Variants in RAB11FIP4 observed in about 807,000 individuals in gnomAD.
RAB11FIP4 encodes RAB11 family interacting protein 4.
In RAB11FIP4, 23 loss-of-function variants were observed where a neutral mutation model predicts 74.3. The ratio of observed to expected loss-of-function variants is 0.31; its 90% confidence interval spans 0.22 to 0.44. The LOEUF is 0.44. Ranked by LOEUF, RAB11FIP4 falls within the 20% of genes least tolerant of loss-of-function variation. RAB11FIP4 has a pLI of 1.00. For synonymous variants in RAB11FIP4, 360 were observed against 359.9 expected, an observed-to-expected ratio of 1.00 and a Z score of 0.00; for missense variants, 630 against 863.9, an observed-to-expected ratio of 0.73 and a Z score of 3.39.
At chr17:31,501,021 C>CAA (rs79846096) in intron 3 of RAB11FIP4, among the ~76,000 whole-genome samples, 1 of 130,684 alleles carries the variant, frequency 7.7e-6, no homozygotes, top group African/African-American at 2.7e-5. Flanking sequence ...GACTCCATCT[C>CAA]AAAAAAAAAA....
chr17:31,397,215 G>A (rs2070939589), intron 1 of RAB11FIP4, among the ~76,000 whole-genome samples: 1 of 152,170 alleles, frequency 6.6e-6, no homozygotes, highest in Non-Finnish European at 1.5e-5. Context: ...GGGAAGGTAG[G>A]GCCAGATCAG....
chr17:31,530,475 C>T lies in RAB11FIP4; in HGVS notation c.1797+6C>T. On this transcript the variant is annotated splice_donor_region_variant and intron_variant, in intron 14 of 14. Transcript: ENST00000621161. Reference sequence around the variant, plus strand: ...ACACCGCCTCGCGCGATGAGGTAACCACACCACCGGCTCTTGCTTTGGGGC... The same window carrying T: ...ACACCGCCTCGCGCGATGAGGTAACTACACCACCGGCTCTTGCTTTGGGGC... The T allele has an allele frequency of 1.2e-6, 2 of 1,609,896 alleles. No homozygotes were observed. Among genetic ancestry groups the T allele is most frequent in the Non-Finnish European group, 1.7e-6 (2 of 1,176,816 alleles).
At chr17:31,488,092 C>T (rs2071932427) in intron 3 of RAB11FIP4, 25 of 1,015,514 alleles carry the variant, frequency 2.5e-5, no homozygotes, top group Non-Finnish European at 2.9e-5. Flanking sequence ...CGGGCGGGGG[C>T]GGGGCCGCGC....
Position 31,409,557 on chromosome 17 carries a change from G to A in RAB11FIP4, c.159+17546G>A, listed in dbSNP as rs116476914. Among the ~76,000 whole-genome samples the A allele has an allele frequency of 3.9e-3, 593 of 152,244 alleles. 5 individuals carry two copies. The highest frequency in any genetic ancestry group is 0.014 in the African/African-American group (562 of 41,536). On this transcript the variant is annotated intron_variant, in intron 1 of 14. Coordinates refer to ENST00000621161, the MANE Select transcript of RAB11FIP4 (RefSeq NM_032932.6). ...CTTACCAGGTGAGGGGCATTGCAAC[G>A]TTGGGTAGAAAGAAACTCCAGATGT...
intron 3 of RAB11FIP4, among the ~76,000 whole-genome samples, chr17:31,492,839 G>A (rs1474606633): frequency 7.0e-6 from 1 of 143,418 alleles, no homozygotes; most frequent in African/African-American, 2.7e-5. Context: ...TGCTTCAGGA[G>A]CTGAGCCCCC....
intron 1 of RAB11FIP4, among the ~76,000 whole-genome samples, chr17:31,416,036 G>C (rs1327232996): frequency 6.6e-6 from 1 of 152,242 alleles, no homozygotes; most frequent in Admixed American, 6.5e-5. Context: ...GCCCAGAGAG[G>C]CAACAGGGCT....
intron 3 of RAB11FIP4, among the ~76,000 whole-genome samples, chr17:31,480,253 G>A (rs1477778077): frequency 6.6e-6 from 1 of 152,140 alleles, no homozygotes; most frequent in African/African-American, 2.4e-5. Context: ...CCTGTCAGAT[G>A]TTACTGCTGA....
At chr17:31,449,189 G>A (rs1279029297) in intron 3 of RAB11FIP4, among the ~76,000 whole-genome samples, 1 of 152,022 alleles carries the variant, frequency 6.6e-6, no homozygotes, top group South Asian at 2.1e-4. Flanking sequence ...GCATGACCCT[G>A]CTCTGACACA....
chr17:31,502,223 CA>C (rs551229045), intron 3 of RAB11FIP4, among the ~76,000 whole-genome samples: 3,300 of 138,262 alleles, frequency 0.024, 123 homozygotes, highest in African/African-American at 0.08. Flanking sequence ...TACCTTGTCT[CA>C]AAAAAAAAAA....
chr17:31,419,543 T>C (rs910750873), intron 1 of RAB11FIP4, among the ~76,000 whole-genome samples: 1 of 150,822 alleles, frequency 6.6e-6, no homozygotes, highest in African/African-American at 2.4e-5. Flanking sequence ...GGTTTGTAGT[T>C]TTCTTTTTTC....
In RAB11FIP4 at chr17:31,467,064, A is replaced by T. The variant is rs370014650; in HGVS notation, c.336+32942A>T. On this transcript the variant is annotated intron_variant, in intron 3 of 14. Coordinates refer to ENST00000621161, the MANE Select transcript of RAB11FIP4 (RefSeq NM_032932.6). The stretch of plus-strand genomic sequence containing the variant: ...AATGGAGTTAAGGCCCAGTGTCCTT[A>T]AACCATACCTCCTGCATCTAGCTCC... 3.3e-5 allele frequency among the ~76,000 whole-genome samples: 5 copies of T among 152,120 alleles called. No individual in the cohort carries two copies. In the East Asian group the frequency reaches 7.7e-4, roughly 23 times the overall value.
chr17:31,395,502 C>T (rs1276030735), intron 1 of RAB11FIP4, among the ~76,000 whole-genome samples: 4 of 152,154 alleles, frequency 2.6e-5, no homozygotes, highest in African/African-American at 9.7e-5. Context: ...GGCATACACC[C>T]TTGGTGTGAT....
chr17:31,426,802 A>G (rs1327591443), intron 1 of RAB11FIP4, among the ~76,000 whole-genome samples: 1 of 151,910 alleles, frequency 6.6e-6, no homozygotes, highest in Non-Finnish European at 1.5e-5. Flanking sequence ...GGGTTTCACC[A>G]TGTTGGCCAG....
rs11451772 is a variant in RAB11FIP4 at position 31,475,799 on chromosome 17, G to GTTT, written c.336+41689_336+41691dup. Among the ~76,000 whole-genome samples the GTTT allele has an allele frequency of 1.9e-3, 270 of 142,100 alleles. 2 individuals are homozygous for GTTT. Among genetic ancestry groups the GTTT allele is most frequent in the African/African-American group, 6.2e-3 (236 of 38,364 alleles). The allele number at this position is 142,100 out of a possible 152,430, so 93.2% of individuals were successfully genotyped here. A position where few individuals can be genotyped will look rare whatever the true frequency, so the allele number is the denominator to read the frequency against. On this transcript the variant is annotated intron_variant, in intron 3 of 14. Coordinates refer to ENST00000621161, the MANE Select transcript of RAB11FIP4 (RefSeq NM_032932.6). ...GCCACGTTTTCTGCATTTTTGTGTG[G>GTTT]TTTTTTTTTTTTTTGGCGATTTTGC... is the stretch of plus-strand genomic sequence containing the variant.
chr17:31,525,239 C>T lies in RAB11FIP4; in HGVS notation c.1274+9C>T. The T allele has an allele frequency of 1.9e-6, 3 of 1,540,660 alleles. No homozygotes were observed. Among genetic ancestry groups the T allele is most frequent in the East Asian group, 2.4e-5 (1 of 40,870 alleles). On this transcript the variant is annotated intron_variant, in intron 10 of 14. Coordinates refer to ENST00000621161, the MANE Select transcript of RAB11FIP4 (RefSeq NM_032932.6). ...GAGCTGCTCAATGCCAGGTGGGCCC[C>T]TCCACCGAGCCCCCTCCCTCAGAGG...
intron 10 of RAB11FIP4, 29 bp from the exon 11 acceptor site, chr17:31,527,813 T>C: frequency 1.3e-6 from 2 of 1,562,176 alleles, no homozygotes; most frequent in Non-Finnish European, 1.7e-6. Context: ...ATTCCAGGTT[T>C]CTGAGATTTG....
At chr17:31,491,623 A>G (rs2072010570) in intron 3 of RAB11FIP4, among the ~76,000 whole-genome samples, 1 of 152,224 alleles carries the variant, frequency 6.6e-6, no homozygotes, top group Admixed American at 6.5e-5. Context: ...ACTACAAGAC[A>G]GGATGTGATT....
chr17:31,508,537 C>T (rs556616630), intron 3 of RAB11FIP4, among the ~76,000 whole-genome samples: 2 of 152,212 alleles, frequency 1.3e-5, no homozygotes, highest in Non-Finnish European at 2.9e-5. Flanking sequence ...CAGGCCCCAC[C>T]GCCTTTGGGG....
At position 31,431,851 on chromosome 17, in the gene RAB11FIP4, G is replaced by A. The variant is rs943366884; in HGVS notation, c.198G>A (p.Leu66=). 2 of 1,613,146 alleles carry A rather than the reference G, an allele frequency of 1.2e-6. No homozygotes were observed. The highest frequency in any genetic ancestry group is 1.7e-5 in the Admixed American group (1 of 59,894). Residue 66 remains leucine, a synonymous_variant, in exon 2 of 15, where the codon CTG becomes CTA. Transcript: ENST00000621161. ...KLVKYLDPND[L]GRINFKDFCR... ...TGAAATATTTGGATCCCAACGACCT[G>A]GGGAGAATCAACTTCAAGGACTTTT... is the stretch of plus-strand genomic sequence containing the variant.
Sources: gnomAD v4.1 joint callset for allele counts (sites outside exome capture counted in the v4.1 genomes callset) on GRCh38, gnomAD v4.1.1 for gene constraint, MANE v1.5 for transcripts, NCBI Gene and HGNC (gene_info 2026-07-23, HGNC 2026-07-21) for gene names.